GPR158: variants seen among roughly 807,000 people sequenced by gnomAD.
The protein encoded by GPR158 is G protein-coupled receptor 158.
GPR158 carries 30 observed loss-of-function variants against 78.2 expected under a neutral mutation model. That is an observed-to-expected ratio of 0.38 (90% CI 0.29 to 0.52). The LOEUF is 0.52. Among genes scored for constraint, GPR158 ranks in the 20% least tolerant of loss-of-function variants. GPR158 has a pLI of 0.83. For missense variants in GPR158, 1,463 were observed against 1,523.5 expected, an observed-to-expected ratio of 0.96 and a Z score of 0.66; for synonymous variants, 581 against 591.1, an observed-to-expected ratio of 0.98 and a Z score of 0.25.
At chr10:25,588,945 C>A in intron 7 of GPR158, 62 bp from the exon 8 acceptor site, 2 of 1,222,112 alleles carry the variant, frequency 1.6e-6, no homozygotes, top group Non-Finnish European at 2.3e-6. Context: ...AAAATGCATG[C>A]TAAAGAAGAA....
rs145928444 is a variant in GPR158, at chr10:25,278,384, T to C, written c.1008+57227T>C. ...AGGAAGTTATCCAGAATGCAAAATATAGAGGAATAGATGAAAAATATGAGC... is the reference window on the plus strand; with the variant it reads ...AGGAAGTTATCCAGAATGCAAAATACAGAGGAATAGATGAAAAATATGAGC... On this transcript the variant is annotated intron_variant, in intron 2 of 10. Transcript: ENST00000376351. Among the ~76,000 whole-genome samples, 78 of 152,070 alleles carry C rather than the reference T, an allele frequency of 5.1e-4. 2 individuals carry two copies. The highest frequency in any genetic ancestry group is 9.0e-4 in the Non-Finnish European group (61 of 67,984).
chr10:25,369,493 CA>C (rs1215670886), intron 2 of GPR158, among the ~76,000 whole-genome samples: 1 of 147,140 alleles, frequency 6.8e-6, no homozygotes, highest in Non-Finnish European at 1.5e-5. Context: ...TATATTGAAC[CA>C]GCCTTGCATC....
chr10:25,327,842 TG>T (rs150304087), intron 2 of GPR158, among the ~76,000 whole-genome samples: 93,201 of 151,998 alleles, frequency 0.61, 30,511 homozygotes, highest in Non-Finnish European at 0.76. Flanking sequence ...ATATCAAACT[TG>T]TTTGGTAAAA....
intron 6 of GPR158, among the ~76,000 whole-genome samples, chr10:25,558,564 A>G (rs970915170): frequency 6.6e-6 from 1 of 152,120 alleles, no homozygotes; most frequent in Non-Finnish European, 1.5e-5. Flanking sequence ...GCCCAGAGTC[A>G]GGGTCTTGGC....
At chr10:25,486,329 G>A (rs1227768513) in intron 5 of GPR158, among the ~76,000 whole-genome samples, 1 of 151,922 alleles carries the variant, frequency 6.6e-6, no homozygotes, top group Admixed American at 6.6e-5. Context: ...CAGTATAGCA[G>A]TTAGGAGCAT....
intron 2 of GPR158, among the ~76,000 whole-genome samples, chr10:25,379,198 G>C (rs372442569): frequency 7.2e-5 from 11 of 151,968 alleles, no homozygotes; most frequent in Non-Finnish European, 1.5e-4. Context: ...AGATTTACTC[G>C]CATATTTACT....
chr10:25,517,032 C>A (rs1241356737), intron 5 of GPR158, among the ~76,000 whole-genome samples: 1 of 150,260 alleles, frequency 6.7e-6, no homozygotes, highest in Admixed American at 6.6e-5. Flanking sequence ...TTGTTTGTAT[C>A]CTCTTTTGTT....
chr10:25,429,111 A>T (rs1834861075), intron 4 of GPR158, among the ~76,000 whole-genome samples: 1 of 152,000 alleles, frequency 6.6e-6, no homozygotes, highest in Admixed American at 6.6e-5. Flanking sequence ...TCTGTCCAAG[A>T]TATATTGAAT....
intron 1 of GPR158, among the ~76,000 whole-genome samples, chr10:25,197,927 C>T (rs1057019178): frequency 6.6e-6 from 1 of 152,108 alleles, no homozygotes; most frequent in African/African-American, 2.4e-5. Flanking sequence ...CAAAGAGGTT[C>T]TTTAAAGAAC....
chr10:25,455,083 T>C (rs1467208173), intron 4 of GPR158, among the ~76,000 whole-genome samples: 1 of 152,208 alleles, frequency 6.6e-6, no homozygotes, highest in African/African-American at 2.4e-5. Context: ...GACTATGACA[T>C]TGGTAAATTA....
chr10:25,445,848 CAAAG>C (rs1367702099), intron 4 of GPR158, among the ~76,000 whole-genome samples: 4 of 151,884 alleles, frequency 2.6e-5, no homozygotes, highest in Non-Finnish European at 4.4e-5. Flanking sequence ...AAGCCATTAA[CAAAG>C]AGAGGATTTA....
rs969789373 is a variant in GPR158, at chr10:25,365,019, A to G, written c.1009-30892A>G. 6.5e-4 allele frequency among the ~76,000 whole-genome samples: 98 copies of G among 151,804 alleles called. 3 individuals are homozygous for G. The highest frequency in any genetic ancestry group is 1.6e-4 in the Non-Finnish European group (11 of 67,834). ...ACATTTCAACTGTCTATGTAAAACT[A>G]TGTTTTCCTAAAGTACTTGAAAACA... On this transcript the variant is annotated intron_variant, in intron 2 of 10. Transcript: ENST00000376351.
intron 2 of GPR158, among the ~76,000 whole-genome samples, chr10:25,336,960 G>A (rs531905180): frequency 1.3e-5 from 2 of 152,110 alleles, no homozygotes; most frequent in South Asian, 4.2e-4. Flanking sequence ...ATTACTCATT[G>A]TATATTTTTG....
chr10:25,488,623 C>T (rs571008699), intron 5 of GPR158, among the ~76,000 whole-genome samples: 3 of 152,256 alleles, frequency 2.0e-5, no homozygotes, highest in East Asian at 1.9e-4. Context: ...TTGTGGAAAA[C>T]TGCCTATCAG....
chr10:25,596,493 C>T, intron 9 of GPR158, 150 bp from the exon 10 acceptor site: 2 of 563,234 alleles, frequency 3.6e-6, no homozygotes, highest in East Asian at 6.6e-5. Flanking sequence ...GTCTCTCTCT[C>T]TCTATCTATC....
At chr10:25,399,148 G>T (rs549883596) in intron 3 of GPR158, among the ~76,000 whole-genome samples, 2 of 152,318 alleles carry the variant, frequency 1.3e-5, no homozygotes, top group South Asian at 4.1e-4. Context: ...GAGAAAGAAT[G>T]AGTGTCGAGC....
chr10:25,593,359 A>G (rs1588927740), intron 8 of GPR158, among the ~76,000 whole-genome samples: 1 of 152,078 alleles, frequency 6.6e-6, no homozygotes, highest in Non-Finnish European at 1.5e-5. Flanking sequence ...CCATTAATAT[A>G]TGTTTGTTTT....
chr10:25,324,046 A>G (rs1209098322), intron 2 of GPR158, among the ~76,000 whole-genome samples: 2 of 152,218 alleles, frequency 1.3e-5, no homozygotes, highest in African/African-American at 4.8e-5. Flanking sequence ...AGGGAATGTC[A>G]TGTCTGGATT....
At chr10:25,528,918 A>G (rs1170546945) in intron 5 of GPR158, among the ~76,000 whole-genome samples, 4 of 152,236 alleles carry the variant, frequency 2.6e-5, no homozygotes, top group Non-Finnish European at 5.9e-5. Context: ...GGAGAGAGAA[A>G]TAGATCAATG....
Sources: gnomAD v4.1 joint callset for allele counts (sites outside exome capture counted in the v4.1 genomes callset) on GRCh38, gnomAD v4.1.1 for gene constraint, MANE v1.5 for transcripts, NCBI Gene and HGNC (gene_info 2026-07-23, HGNC 2026-07-21) for gene names.